USH2A: variants seen among roughly 807,000 people sequenced by gnomAD.
USH2A encodes the protein usherin.
Under a neutral mutation model 538.9 loss-of-function variants are expected in USH2A, and 443 were observed. The ratio of observed to expected loss-of-function variants is 0.82; its 90% confidence interval spans 0.76 to 0.89. USH2A has a LOEUF of 0.89. USH2A is among the 40% of genes least tolerant of loss of function. USH2A has a pLI of 0.00. For synonymous variants in USH2A, 2,413 were observed against 2,273.5 expected, an observed-to-expected ratio of 1.06 and a Z score of -1.75; for missense variants, 6,633 against 6,324.8, an observed-to-expected ratio of 1.05 and a Z score of -1.65.
At chr1:215,780,865 C>T (rs1468230288) in intron 54 of USH2A, among the ~76,000 whole-genome samples, 1 of 152,196 alleles carries the variant, frequency 6.6e-6, no homozygotes, top group East Asian at 1.9e-4. Context: ...TGTGGCTGAG[C>T]AGTGTGGCTG....
intron 60 of USH2A, among the ~76,000 whole-genome samples, chr1:215,739,946 G>A (rs1660255091): frequency 6.6e-6 from 1 of 152,186 alleles, no homozygotes; most frequent in Non-Finnish European, 1.5e-5. Flanking sequence ...GAAGAGGTGC[G>A]GGGTATGAGG....
intron 42 of USH2A, among the ~76,000 whole-genome samples, chr1:215,878,521 C>T (rs971631637): frequency 4.4e-4 from 67 of 152,014 alleles, no homozygotes; most frequent in Admixed American, 3.9e-4. Context: ...GATTATGTAG[C>T]GAATCCTTAG....
chr1:215,934,984 G>T (rs1408687313), intron 37 of USH2A, among the ~76,000 whole-genome samples, 189 bp from the exon 38 acceptor site: 1 of 151,976 alleles, frequency 6.6e-6, no homozygotes, highest in Non-Finnish European at 1.5e-5. Flanking sequence ...GAACAAAAGT[G>T]CTATCTGAGT....
intron 3 of USH2A, among the ~76,000 whole-genome samples, chr1:216,383,147 T>C (rs1217073075): frequency 6.6e-6 from 1 of 152,102 alleles, no homozygotes; most frequent in Non-Finnish European, 1.5e-5. Flanking sequence ...ATCCTTAAGC[T>C]TGTCTCAGAT....
rs184108578 is a variant in USH2A at position 215,810,727 on chromosome 1, G to A, written c.9739+3009C>T. Among the ~76,000 whole-genome samples the A allele has an allele frequency of 2.9e-3, 443 of 152,198 alleles. 1 individual carries two copies. The highest frequency in any genetic ancestry group is 5.0e-3 in the Non-Finnish European group (341 of 67,986). ...AAACTCCCCAAATTTAAGTTACTTC[G>A]AGAAAGTAAAGCATTTAACAGTATT... On this transcript the variant is annotated intron_variant, in intron 49 of 71. Transcript: ENST00000307340.
At position 216,046,523 on chromosome 1, in the gene USH2A, G is replaced by C. The variant is rs150230450; in HGVS notation, c.6233C>G (p.Pro2078Arg). 195 of 1,613,650 alleles carry C rather than the reference G, an allele frequency of 1.2e-4. 2 individuals are homozygous for C. The highest frequency in any genetic ancestry group is 2.7e-5 in the African/African-American group (2 of 74,866). Residue 2078 changes from proline to arginine, a missense_variant, in exon 32 of 72, where the codon CCC becomes CGC. By Grantham distance (103) the Pro-to-Arg change is moderately radical. Transcript: ENST00000307340. ...AGTTATAATACCATTTGCCTTTTTGGGTGGGTTCCAGGAGAGCAGCAAAGA... is the reference window on the plus strand; with the variant it reads ...AGTTATAATACCATTTGCCTTTTTGCGTGGGTTCCAGGAGAGCAGCAAAGA... ...PSSLLLSWNP[P>R]KKANGIITQY...
chr1:215,912,475 A>ATGTG (rs1665818404), intron 38 of USH2A, among the ~76,000 whole-genome samples: 2 of 16,296 alleles, frequency 1.2e-4, no homozygotes, highest in African/African-American at 3.4e-4. Flanking sequence ...ATATATATAT[A>ATGTG]CGTATATATA....
rs759338880 is a variant in USH2A at position 215,782,154 on chromosome 1, C to T, written c.10628G>A (p.Arg3543His). ...YYILLRNGIE[R>H]FRGTSLSFSD... Reference sequence around the variant, plus strand: ...GAAGCTCAGTGATGTTCCCCGAAAACGTTCAATTCCATTTCGAAGAAGGAT... The same window carrying T: ...GAAGCTCAGTGATGTTCCCCGAAAATGTTCAATTCCATTTCGAAGAAGGAT... The change falls in exon 54 of 72, where the codon CGT becomes CAT. Residue 3543 changes from arginine (R) to histidine (H), a missense_variant. Physicochemically the swap from Arg to His is conservative, Grantham distance 29. Transcript: ENST00000307340. 41 of 1,613,850 alleles carry T rather than the reference C, an allele frequency of 2.5e-5. No homozygotes were observed. Among genetic ancestry groups the T allele is most frequent in the African/African-American group, 4.0e-5 (3 of 74,990 alleles).
At chr1:216,400,218 A>T (rs868534738) in intron 3 of USH2A, among the ~76,000 whole-genome samples, 1,734 of 12,374 alleles carry the variant, frequency 0.14, 30 homozygotes, top group African/African-American at 0.41. Context: ...AATAGAAGTT[A>T]TATATATATA....
In USH2A at chr1:216,324,237, C is replaced by T. The variant is rs765606907; in HGVS notation, c.1259G>A (p.Gly420Asp). 7 of 1,613,430 alleles carry T rather than the reference C, an allele frequency of 4.3e-6. No homozygotes were observed. Among genetic ancestry groups the T allele is most frequent in the Non-Finnish European group, 5.9e-6 (7 of 1,179,716 alleles). Residue 420 changes from glycine (G) to aspartate (D), a missense_variant, in exon 7 of 72, where the codon GGT (glycine) becomes GAT (aspartate). Coordinates refer to ENST00000307340, the MANE Select transcript of USH2A (RefSeq NM_206933.4). ...TCCATTGTTTTTCATTCCAAAAGCA[C>T]CACAATTCCTGGCAAAATATTGCCA... ...EDWQYFARNCGAFGMKNNGDL... is the reference protein window; with the variant it reads ...EDWQYFARNCDAFGMKNNGDL...
intron 56 of USH2A, among the ~76,000 whole-genome samples, chr1:215,766,216 A>C (rs1386972293): frequency 6.6e-6 from 1 of 152,062 alleles, no homozygotes; most frequent in African/African-American, 2.4e-5. Flanking sequence ...ATGGGTTTCT[A>C]TCTCTTCCTC....
Position 216,199,968 on chromosome 1 carries a change from A to C in USH2A, c.3470T>G (p.Ile1157Ser). The C allele has an allele frequency of 6.2e-7, 1 of 1,614,132 alleles. No homozygotes were observed. Among genetic ancestry groups the C allele is most frequent in the Non-Finnish European group, 8.5e-7 (1 of 1,179,998 alleles). Residue 1157 changes from isoleucine to serine, a missense_variant, in exon 17 of 72, where the codon ATC (isoleucine) becomes AGC (serine). Physicochemically the swap from Ile to Ser is moderately radical, Grantham distance 142. Coordinates refer to ENST00000307340, the MANE Select transcript of USH2A (RefSeq NM_206933.4). ...VPEGNLTLSY[I>S]IPIGSDSVTL... ...CACAGAGTCTGAGCCAATAGGAATG[A>C]TATAACTTAAAGTCAAGTTTCCCTC...
At position 215,877,825 on chromosome 1, in the gene USH2A, C is replaced by T; in HGVS notation, c.8614G>A (p.Asp2872Asn). ...TAAATATTGTGCCACCGATTTAAAT[C>T]TTCTGGGGGATTTGATGCAAGTGGC... ...QQPLASNPPE[D>N]LNRWHNIYSG... The change falls in exon 43 of 72, where the codon GAT (aspartate) becomes AAT (asparagine). Residue 2872 changes from aspartate to asparagine, a missense_variant. Coordinates refer to ENST00000307340, the MANE Select transcript of USH2A (RefSeq NM_206933.4). 6.2e-7 allele frequency: 1 copy of T among 1,613,782 alleles called. No individual in the cohort carries two copies. The highest frequency in any genetic ancestry group is 8.5e-7 in the Non-Finnish European group (1 of 1,179,758).
intron 69 of USH2A, among the ~76,000 whole-genome samples, chr1:215,637,792 T>A (rs956067853): frequency 6.6e-6 from 1 of 152,110 alleles, no homozygotes; most frequent in East Asian, 1.9e-4. Context: ...ATTTTTTTTT[T>A]AAATTGTGTT....
chr1:215,986,235 C>T (rs1386307093), intron 35 of USH2A, among the ~76,000 whole-genome samples: 1 of 151,908 alleles, frequency 6.6e-6, no homozygotes, highest in Non-Finnish European at 1.5e-5. Context: ...TTCTCATGCC[C>T]CAGCCTCCCA....
intron 3 of USH2A, among the ~76,000 whole-genome samples, chr1:216,370,703 T>A (rs199614541): frequency 0.059 from 2,369 of 39,962 alleles, 3 homozygotes; most frequent in East Asian, 0.099. Context: ...AAAAAAAAAA[T>A]ACTCAAGGTG....
chr1:215,936,055 AC>A (rs1338534413), intron 37 of USH2A, among the ~76,000 whole-genome samples: 1 of 151,968 alleles, frequency 6.6e-6, no homozygotes, highest in Non-Finnish European at 1.5e-5. Context: ...CTAAAAGAGC[AC>A]CAATATTTAC....
chr1:215,915,985 A>G (rs1229104322), intron 38 of USH2A, among the ~76,000 whole-genome samples: 1 of 144,322 alleles, frequency 6.9e-6, no homozygotes, highest in African/African-American at 2.6e-5. Context: ...GGAACTGAAC[A>G]ATGAGAACAC....
intron 32 of USH2A, among the ~76,000 whole-genome samples, chr1:216,032,689 T>C (rs1287825156): frequency 6.6e-6 from 1 of 151,978 alleles, no homozygotes; most frequent in Non-Finnish European, 1.5e-5. Flanking sequence ...GTCAGAGAGA[T>C]TTGAAGCATG....
Sources: gnomAD v4.1 joint callset for allele counts (sites outside exome capture counted in the v4.1 genomes callset) on GRCh38, gnomAD v4.1.1 for gene constraint, MANE v1.5 for transcripts, NCBI Gene and HGNC (gene_info 2026-07-23, HGNC 2026-07-21) for gene names.